METTL25: variants seen among roughly 807,000 people sequenced by gnomAD.
METTL25 encodes the protein probable methyltransferase-like protein 25.
A neutral mutation model predicts 71.6 loss-of-function variants in METTL25; 64 were observed. That is an observed-to-expected ratio of 0.89 (90% CI 0.73 to 1.10). The LOEUF is 1.10. METTL25 is among the 50% of genes least tolerant of loss of function. The pLI is 0.00. For missense variants in METTL25, 807 were observed against 707.0 expected, an observed-to-expected ratio of 1.14 and a Z score of -1.60; for synonymous variants, 287 against 250.3, an observed-to-expected ratio of 1.15 and a Z score of -1.38.
At chr12:82,412,975 T>C (rs538000775) in intron 5 of METTL25, among the ~76,000 whole-genome samples, 1 of 152,060 alleles carries the variant, frequency 6.6e-6, no homozygotes, top group Non-Finnish European at 1.5e-5. Flanking sequence ...AATAAAGTTT[T>C]AAAACAAATT....
intron 9 of METTL25, among the ~76,000 whole-genome samples, chr12:82,467,128 T>TAA (rs562194761): frequency 6.9e-6 from 1 of 144,698 alleles, no homozygotes; most frequent in African/African-American, 2.5e-5. Flanking sequence ...GTTGGGTCTT[T>TAA]AAAAAAAAAA....
At chr12:82,395,554 A>G (rs1468418278) in intron 3 of METTL25, among the ~76,000 whole-genome samples, 7 of 152,024 alleles carry the variant, frequency 4.6e-5, no homozygotes, top group African/African-American at 7.2e-5. Context: ...CAAATTTGAG[A>G]GTCATTAGCT....
intron 1 of METTL25, among the ~76,000 whole-genome samples, chr12:82,383,830 C>G (rs983129379): frequency 1.3e-5 from 2 of 151,804 alleles, no homozygotes; most frequent in Admixed American, 1.3e-4. Context: ...CTATCTTTGT[C>G]CTTGTACACT....
intron 2 of METTL25, among the ~76,000 whole-genome samples, chr12:82,387,336 T>TAGCCTGC (rs1885135273): frequency 6.6e-6 from 1 of 151,902 alleles, no homozygotes; most frequent in Admixed American, 6.6e-5. Context: ...AAGGGGACAT[T>TAGCCTGC]TGGGGATGTG....
chr12:82,367,815 CT>C (rs1473576506), intron 1 of METTL25, among the ~76,000 whole-genome samples: 1 of 152,094 alleles, frequency 6.6e-6, no homozygotes, highest in Non-Finnish European at 1.5e-5. Flanking sequence ...TGGAACTTGG[CT>C]ACTAATATAA....
At chr12:82,402,923 A>G (rs778230595) in intron 4 of METTL25, 60 bp from the exon 5 acceptor site, 388 of 1,318,866 alleles carry the variant, frequency 2.9e-4, no homozygotes, top group Middle Eastern at 1.4e-3. Context: ...AAATAAATAA[A>G]AATTTTAAAC....
intron 1 of METTL25, among the ~76,000 whole-genome samples, chr12:82,379,651 A>G (rs1884233810): frequency 6.6e-6 from 1 of 152,218 alleles, no homozygotes; most frequent in African/African-American, 2.4e-5. Flanking sequence ...TTTCACATCA[A>G]ATTTAGTAAG....
intron 9 of METTL25, among the ~76,000 whole-genome samples, chr12:82,467,858 AT>A (rs2137291875): frequency 6.6e-6 from 1 of 152,150 alleles, no homozygotes; most frequent in African/African-American, 2.4e-5. Flanking sequence ...TTCAACTATT[AT>A]TTAATTAAGT....
chr12:82,384,898 T>G (rs1441495038), intron 1 of METTL25, among the ~76,000 whole-genome samples: 1 of 152,148 alleles, frequency 6.6e-6, no homozygotes, highest in Non-Finnish European at 1.5e-5. Flanking sequence ...TCTACAAAAT[T>G]GCTGCCTTGG....
intron 5 of METTL25, among the ~76,000 whole-genome samples, chr12:82,417,584 A>G (rs1000965080): frequency 6.6e-6 from 1 of 152,164 alleles, no homozygotes. Flanking sequence ...ACTGAATTTA[A>G]TAATTCATTC....
chr12:82,437,604 TA>T (rs1890014432), intron 7 of METTL25, among the ~76,000 whole-genome samples: 1 of 151,748 alleles, frequency 6.6e-6, no homozygotes, highest in African/African-American at 2.4e-5. Flanking sequence ...TATTTTGCTA[TA>T]AACTCCATCT....
Position 82,441,519 on chromosome 12 carries a change from G to A in METTL25, c.1478+2728G>A, listed in dbSNP as rs191541657. 2.2e-3 allele frequency among the ~76,000 whole-genome samples: 326 copies of A among 151,602 alleles called. 1 individual carries two copies. The highest frequency in any genetic ancestry group is 7.2e-3 in the African/African-American group (297 of 41,384). On this transcript the variant is annotated intron_variant, in intron 8 of 11. Coordinates refer to ENST00000248306, the MANE Select transcript of METTL25 (RefSeq NM_032230.3). Reference sequence around the variant, plus strand: ...TCCTGCTAAGTACAACTAAATCCCCGAACATTATGTATAAAATGAATACAA... The same window carrying A: ...TCCTGCTAAGTACAACTAAATCCCCAAACATTATGTATAAAATGAATACAA...
At chr12:82,378,497 G>C (rs1336156876) in intron 1 of METTL25, among the ~76,000 whole-genome samples, 5 of 152,134 alleles carry the variant, frequency 3.3e-5, no homozygotes, top group African/African-American at 1.2e-4. Context: ...AAATTCAGTT[G>C]ATAGAGTAGA....
intron 1 of METTL25, among the ~76,000 whole-genome samples, chr12:82,370,066 C>T (rs540643031): frequency 4.6e-4 from 70 of 152,268 alleles, no homozygotes; most frequent in African/African-American, 1.6e-3. Context: ...CTAAACAGGA[C>T]ACCCCAACTG....
intron 3 of METTL25, among the ~76,000 whole-genome samples, chr12:82,393,911 T>C (rs1885840151): frequency 6.6e-6 from 1 of 152,078 alleles, no homozygotes; most frequent in Admixed American, 6.6e-5. Context: ...CTACTTTTGC[T>C]GTATCCCGTG....
chr12:82,422,975 G>A (rs1888659785), intron 5 of METTL25, among the ~76,000 whole-genome samples: 1 of 152,120 alleles, frequency 6.6e-6, no homozygotes, highest in African/African-American at 2.4e-5. Context: ...TACTGCCCAA[G>A]GTAATTTAGA....
intron 1 of METTL25, among the ~76,000 whole-genome samples, chr12:82,362,444 C>A (rs1454989415): frequency 6.6e-6 from 1 of 152,084 alleles, no homozygotes; most frequent in Non-Finnish European, 1.5e-5. Context: ...AAAGGTAATT[C>A]AGCTAATATA....
intron 8 of METTL25, among the ~76,000 whole-genome samples, chr12:82,443,073 T>C (rs1161890580): frequency 6.7e-6 from 1 of 150,204 alleles, no homozygotes. Context: ...AGGGAATAGG[T>C]TTCATGTATA....
chr12:82,392,810 T>A (rs1418887626), intron 3 of METTL25, among the ~76,000 whole-genome samples: 1 of 152,078 alleles, frequency 6.6e-6, no homozygotes, highest in Non-Finnish European at 1.5e-5. Context: ...TTGATTTTTG[T>A]ATATGGTGAG....
Sources: gnomAD v4.1 joint callset for allele counts (sites outside exome capture counted in the v4.1 genomes callset) on GRCh38, gnomAD v4.1.1 for gene constraint, MANE v1.5 for transcripts, NCBI Gene and HGNC (gene_info 2026-07-23, HGNC 2026-07-21) for gene names.